GMDS: variants seen among roughly 807,000 people sequenced by gnomAD.
The protein encoded by GMDS is GDP-mannose 4,6 dehydratase.
GMDS carries 20 observed loss-of-function variants against 49.9 expected under a neutral mutation model. The observed-to-expected ratio is 0.40, with a 90% CI of 0.28 to 0.58. The LOEUF (loss-of-function observed/expected upper bound fraction) is 0.58. Among genes scored for constraint, GMDS ranks in the 20% least tolerant of loss-of-function variants. The pLI, the probability that GMDS is intolerant of heterozygous loss-of-function variation, is 0.42. For missense variants in GMDS, 362 were observed against 481.4 expected, an observed-to-expected ratio of 0.75 and a Z score of 2.32; for synonymous variants, 177 against 178.6, an observed-to-expected ratio of 0.99 and a Z score of 0.07.
intron 4 of GMDS, among the ~76,000 whole-genome samples, chr6:1,993,142 T>C (rs1368888263): frequency 6.6e-6 from 1 of 151,814 alleles, no homozygotes; most frequent in South Asian, 2.1e-4. Context: ...TCCTCTCCCT[T>C]GCCCCAGCCT....
intron 9 of GMDS, among the ~76,000 whole-genome samples, chr6:1,713,623 C>T (rs1241157114): frequency 6.6e-6 from 1 of 151,520 alleles, no homozygotes; most frequent in African/African-American, 2.4e-5. Context: ...CACACACACA[C>T]ATACACGTAC....
chr6:1,750,866 G>A (rs1024693958), intron 7 of GMDS, among the ~76,000 whole-genome samples: 1 of 152,146 alleles, frequency 6.6e-6, no homozygotes, highest in Non-Finnish European at 1.5e-5. Flanking sequence ...AGTTGACCTG[G>A]GATGCCAGCG....
At chr6:2,078,565 C>T (rs749070461) in intron 4 of GMDS, among the ~76,000 whole-genome samples, 2 of 151,880 alleles carry the variant, frequency 1.3e-5, no homozygotes, top group African/African-American at 4.8e-5. Flanking sequence ...TCCATACATC[C>T]GTATAGTTTC....
intron 4 of GMDS, among the ~76,000 whole-genome samples, chr6:2,025,391 TG>T (rs1768530029): frequency 4.0e-5 from 6 of 151,222 alleles, no homozygotes; most frequent in Admixed American, 4.0e-4. Context: ...TGTGTGTGTG[TG>T]TGTGTGTGTG....
At chr6:1,861,141 A>G (rs1758163317) in intron 7 of GMDS, among the ~76,000 whole-genome samples, 2 of 152,220 alleles carry the variant, frequency 1.3e-5, no homozygotes, top group African/African-American at 4.8e-5. Context: ...ACTGGAGGAG[A>G]GTTTTAGAAA....
chr6:2,107,986 A>C (rs1456789639), intron 4 of GMDS, among the ~76,000 whole-genome samples: 1 of 152,230 alleles, frequency 6.6e-6, no homozygotes, highest in Non-Finnish European at 1.5e-5. Flanking sequence ...GCACATCTAA[A>C]AATTACATAA....
chr6:1,963,278 C>T (rs1764072213), intron 4 of GMDS, among the ~76,000 whole-genome samples: 1 of 151,990 alleles, frequency 6.6e-6, no homozygotes, highest in African/African-American at 2.4e-5. Context: ...GCCTCAAAAC[C>T]TGCTCAAGTG....
At chr6:1,784,399 A>AAAAAG (rs776450083) in intron 7 of GMDS, among the ~76,000 whole-genome samples, 12,071 of 147,158 alleles carry the variant, frequency 0.082, 696 homozygotes, top group East Asian at 0.15. Context: ...TCAAAAAAAA[A>AAAAAG]AAAAAAAAAA....
chr6:1,900,937 A>G (rs767932253), intron 7 of GMDS, among the ~76,000 whole-genome samples: 4 of 152,234 alleles, frequency 2.6e-5, no homozygotes, highest in Non-Finnish European at 5.9e-5. Flanking sequence ...ATGTCGCGCT[A>G]ACTCACTACC....
At chr6:1,999,994 T>TAC (rs1375543082) in intron 4 of GMDS, among the ~76,000 whole-genome samples, 48 of 14,580 alleles carry the variant, frequency 3.3e-3, no homozygotes, top group African/African-American at 9.2e-3. Context: ...TATATATATA[T>TAC]ATTATATATA....
At chr6:2,028,679 T>C (rs1768768024) in intron 4 of GMDS, among the ~76,000 whole-genome samples, 1 of 152,230 alleles carries the variant, frequency 6.6e-6, no homozygotes, top group Non-Finnish European at 1.5e-5. Context: ...TGCTGCTTTC[T>C]ATTAATGATA....
chr6:1,658,046 C>T lies in GMDS; in HGVS notation c.988-33506G>A, dbSNP rs11969889. On this transcript the variant is annotated intron_variant, in intron 9 of 10. Transcript: ENST00000380815. ...GGAACTGCTCAGAGGCAGGGAGTGC[C>T]GGGGGTGTGTGTTTGCAAATAGATA... Among the ~76,000 whole-genome samples the T allele has an allele frequency of 6.6e-3, 1,005 of 152,132 alleles. 3 individuals carry two copies. Among genetic ancestry groups the T allele is most frequent in the African/African-American group, 0.023 (963 of 41,466 alleles).
chr6:2,232,666 G>C (rs1169123791), intron 1 of GMDS, among the ~76,000 whole-genome samples: 1 of 152,196 alleles, frequency 6.6e-6, no homozygotes, highest in East Asian at 1.9e-4. Context: ...AGATGACTGA[G>C]AGGCTTCATA....
At chr6:2,067,265 G>A (rs1019978324) in intron 4 of GMDS, among the ~76,000 whole-genome samples, 1 of 152,160 alleles carries the variant, frequency 6.6e-6, no homozygotes, top group Non-Finnish European at 1.5e-5. Flanking sequence ...ATGCAAAGCA[G>A]TATGTAGAGG....
At chr6:2,117,596 G>T (rs41300831) in intron 2 of GMDS, 40 bp from the exon 3 acceptor site, 23 of 1,002,126 alleles carry the variant, frequency 2.3e-5, no homozygotes, top group Non-Finnish European at 3.5e-5. Flanking sequence ...GTGCAATGAG[G>T]ACTAATAAAC....
intron 1 of GMDS, among the ~76,000 whole-genome samples, chr6:2,196,706 T>A (rs1179345133): frequency 6.6e-6 from 1 of 152,180 alleles, no homozygotes; most frequent in African/African-American, 2.4e-5. Flanking sequence ...CTCAGAGATG[T>A]TGGTTAAAAA....
chr6:2,040,333 T>C (rs767897123), intron 4 of GMDS, among the ~76,000 whole-genome samples: 5 of 152,212 alleles, frequency 3.3e-5, no homozygotes, highest in Admixed American at 6.5e-5. Flanking sequence ...TATCATAAAT[T>C]TGGCTTAAAC....
At chr6:1,734,123 G>A (rs567841430) in intron 8 of GMDS, among the ~76,000 whole-genome samples, 139 of 152,254 alleles carry the variant, frequency 9.1e-4, no homozygotes, top group African/African-American at 3.3e-3. Flanking sequence ...AGCTGTGTAT[G>A]GCCTCTTGCA....
At chr6:1,887,450 G>A (rs921811853) in intron 7 of GMDS, among the ~76,000 whole-genome samples, 9 of 149,908 alleles carry the variant, frequency 6.0e-5, no homozygotes, top group African/African-American at 1.0e-4. Context: ...ATTTATGTTC[G>A]GCTACCTCCA....
Sources: gnomAD v4.1 joint callset for allele counts (sites outside exome capture counted in the v4.1 genomes callset) on GRCh38, gnomAD v4.1.1 for gene constraint, MANE v1.5 for transcripts, NCBI Gene and HGNC (gene_info 2026-07-23, HGNC 2026-07-21) for gene names.